The following PRICKLE1 variants were observed in gnomAD, a reference collection of about 807,000 sequenced individuals.
PRICKLE1 encodes prickle-like protein 1.
Under a neutral mutation model 70.2 loss-of-function variants are expected in PRICKLE1, and 14 were observed. The ratio of observed to expected loss-of-function variants is 0.20; its 90% CI spans 0.13 to 0.31. The LOEUF is 0.31. PRICKLE1 is among the 10% of genes least tolerant of loss of function. PRICKLE1 has a pLI of 1.00. For synonymous variants in PRICKLE1, 357 were observed against 379.9 expected, an observed-to-expected ratio of 0.94 and a Z score of 0.70; for missense variants, 821 against 1,026.2, an observed-to-expected ratio of 0.80 and a Z score of 2.73.
intron 1 of PRICKLE1, among the ~76,000 whole-genome samples, chr12:42,491,999 T>C (rs560159413): frequency 6.6e-5 from 10 of 152,090 alleles, no homozygotes; most frequent in African/African-American, 2.4e-4. Flanking sequence ...TTGGTCAGGC[T>C]GGTCTCAAAC....
At chr12:42,489,757 C>T (rs1349180948) in intron 1 of PRICKLE1, 1 of 151,826 alleles carries the variant, frequency 6.6e-6, no homozygotes, top group South Asian at 2.1e-4. Flanking sequence ...CTTTCTTCCT[C>T]CCAGTCACAA....
chr12:42,506,017 A>G (rs1939402933), intron 1 of PRICKLE1, among the ~76,000 whole-genome samples: 1 of 152,162 alleles, frequency 6.6e-6, no homozygotes, highest in African/African-American at 2.4e-5. Context: ...GAATAAGAAC[A>G]AAAAGTTATT....
intron 1 of PRICKLE1, among the ~76,000 whole-genome samples, chr12:42,554,166 C>T (rs770881510): frequency 3.3e-5 from 5 of 152,074 alleles, no homozygotes; most frequent in Non-Finnish European, 7.4e-5. Flanking sequence ...ACCAAAACAC[C>T]CATCAAGCTG....
At chr12:42,510,310 G>A (rs538428301) in intron 1 of PRICKLE1, among the ~76,000 whole-genome samples, 2 of 152,134 alleles carry the variant, frequency 1.3e-5, no homozygotes, top group East Asian at 3.9e-4. Flanking sequence ...TAGCCAGGAT[G>A]GTCTTGATCT....
intron 1 of PRICKLE1, among the ~76,000 whole-genome samples, chr12:42,547,438 T>C (rs1472786146): frequency 6.6e-6 from 1 of 152,208 alleles, no homozygotes; most frequent in East Asian, 1.9e-4. Context: ...AGCAGCACCA[T>C]GCCATGGATA....
At chr12:42,499,861 G>A (rs1374880958) in intron 1 of PRICKLE1, among the ~76,000 whole-genome samples, 1 of 151,938 alleles carries the variant, frequency 6.6e-6, no homozygotes, top group East Asian at 1.9e-4. Flanking sequence ...CCAATTAGCT[G>A]GAATTACAAG....
intron 1 of PRICKLE1, among the ~76,000 whole-genome samples, chr12:42,493,847 G>A (rs1405063814): frequency 1.4e-5 from 2 of 142,316 alleles, no homozygotes; most frequent in Non-Finnish European, 3.0e-5. Flanking sequence ...AACAGAGTAA[G>A]ACCGTGTCTA....
intron 1 of PRICKLE1, among the ~76,000 whole-genome samples, chr12:42,492,281 T>C (rs576665777): frequency 1.3e-5 from 2 of 152,260 alleles, no homozygotes; most frequent in African/African-American, 4.8e-5. Context: ...TTTAAAATTA[T>C]AGAATATTTG....
intron 7 of PRICKLE1, among the ~76,000 whole-genome samples, chr12:42,461,275 G>A (rs1247426893): frequency 6.6e-6 from 1 of 152,190 alleles, no homozygotes; most frequent in Non-Finnish European, 1.5e-5. Flanking sequence ...GCTCTTCACA[G>A]CAGCCTGTTC....
chr12:42,527,933 A>G (rs1457880392), intron 1 of PRICKLE1, among the ~76,000 whole-genome samples: 2 of 11,338 alleles, frequency 1.8e-4, no homozygotes, highest in African/African-American at 5.1e-4. Flanking sequence ...ATATATATAT[A>G]TATATATATA....
chr12:42,492,228 A>C (rs911482632), intron 1 of PRICKLE1, among the ~76,000 whole-genome samples: 2 of 152,154 alleles, frequency 1.3e-5, no homozygotes, highest in African/African-American at 4.8e-5. Context: ...CAGCCTCTCA[A>C]GTAGCTGTGA....
intron 1 of PRICKLE1, among the ~76,000 whole-genome samples, chr12:42,494,102 T>A (rs1186555486): frequency 6.6e-6 from 1 of 152,184 alleles, no homozygotes; most frequent in Non-Finnish European, 1.5e-5. Context: ...ATTAAAAATA[T>A]CTTACTGCTA....
intron 3 of PRICKLE1, 78 bp downstream of exon 3, chr12:42,470,168 G>T: frequency 9.4e-7 from 1 of 1,067,184 alleles, no homozygotes; most frequent in South Asian, 1.3e-5. Flanking sequence ...GAGGAGTTGG[G>T]GTTTATGAGC....
At position 42,496,485 on chromosome 12, in the gene PRICKLE1, G is replaced by A. The variant is rs540538388; in HGVS notation, c.-48-23921C>T. On this transcript the variant is annotated intron_variant, in intron 1 of 7. Coordinates refer to ENST00000345127, the MANE Select transcript of PRICKLE1 (RefSeq NM_153026.3). ...AGCTGCATCAGCTCCTAACTAGAGA[G>A]TCAGCCTGTCTTTCAAAACTTGGAA... Among the ~76,000 whole-genome samples the A allele has an allele frequency of 7.9e-5, 12 of 152,280 alleles. No individual in the cohort carries two copies. The South Asian group carries it at 1.2e-3, about 16-fold the overall frequency.
intron 1 of PRICKLE1, among the ~76,000 whole-genome samples, chr12:42,497,296 A>G (rs1054387628): frequency 1.3e-5 from 2 of 152,310 alleles, no homozygotes; most frequent in South Asian, 4.1e-4. Flanking sequence ...CTGTAATTCC[A>G]GCACTTTGGG....
At chr12:42,577,839 A>T (rs1940828268) in intron 1 of PRICKLE1, among the ~76,000 whole-genome samples, 1 of 152,208 alleles carries the variant, frequency 6.6e-6, no homozygotes, top group South Asian at 2.1e-4. Flanking sequence ...AATTTTGGGT[A>T]AGCTACAAGT....
At chr12:42,510,512 T>G (rs1195313920) in intron 1 of PRICKLE1, among the ~76,000 whole-genome samples, 1 of 152,280 alleles carries the variant, frequency 6.6e-6, no homozygotes, top group South Asian at 2.1e-4. Context: ...CTGGGCAACA[T>G]AGCAAGACCC....
intron 1 of PRICKLE1, among the ~76,000 whole-genome samples, chr12:42,502,307 T>C (rs999423698): frequency 8.1e-6 from 1 of 123,468 alleles, no homozygotes; most frequent in African/African-American, 2.6e-5. Flanking sequence ...TTTTCTTTTC[T>C]TTTCTTTTCT....
At chr12:42,562,213 A>C (rs1011721137) in intron 1 of PRICKLE1, among the ~76,000 whole-genome samples, 24 of 151,982 alleles carry the variant, frequency 1.6e-4, no homozygotes, top group African/African-American at 5.3e-4. Context: ...CCTGGCTCCC[A>C]CCCATTTTCA....
Sources: allele counts gnomAD v4.1 joint callset (sites outside exome capture counted in the v4.1 genomes callset), GRCh38; gene constraint gnomAD v4.1.1; transcripts MANE v1.5; gene names NCBI Gene and HGNC (gene_info 2026-07-23, HGNC 2026-07-21).